The following ADAM32 variants were observed in gnomAD, a reference collection of about 807,000 sequenced individuals.
ADAM32 encodes the protein disintegrin and metalloproteinase domain-containing protein 32.
In ADAM32, 89 loss-of-function variants were observed where a neutral mutation model predicts 114.9. The ratio of observed to expected loss-of-function variants is 0.77; its 90% confidence interval spans 0.65 to 0.92. ADAM32 has a LOEUF of 0.92. ADAM32 is among the 40% of genes least tolerant of loss of function. The pLI, the probability that ADAM32 is intolerant of heterozygous loss-of-function variation, is 0.00. For missense variants in ADAM32, 870 were observed against 932.8 expected (o/e 0.93, Z 0.88); for synonymous variants, 285 against 307.5 (o/e 0.93, Z 0.77).
intron 11 of ADAM32, among the ~76,000 whole-genome samples, chr8:39,206,587 C>T (rs1009799261): frequency 6.6e-6 from 1 of 152,176 alleles, no homozygotes; most frequent in African/African-American, 2.4e-5. Flanking sequence ...TGCAGCAGAC[C>T]TGGGTAGGAA....
intron 6 of ADAM32, among the ~76,000 whole-genome samples, chr8:39,160,618 G>T (rs1585425921): frequency 6.7e-6 from 1 of 149,966 alleles, no homozygotes; most frequent in East Asian, 2.0e-4. Flanking sequence ...TTTCTGATAT[G>T]CAGATGAAGT....
intron 2 of ADAM32, among the ~76,000 whole-genome samples, chr8:39,126,565 G>A (rs1173720425): frequency 6.6e-6 from 1 of 152,170 alleles, no homozygotes; most frequent in African/African-American, 2.4e-5. Context: ...ATTAGCCTAA[G>A]AAGCTTTTGG....
chr8:39,137,881 G>C (rs921847552), intron 3 of ADAM32, among the ~76,000 whole-genome samples: 1 of 152,102 alleles, frequency 6.6e-6, no homozygotes, highest in African/African-American at 2.4e-5. Context: ...AAAAGAATAT[G>C]GTGGATGATA....
At chr8:39,197,694 A>G (rs1157203715) in intron 11 of ADAM32, among the ~76,000 whole-genome samples, 1 of 152,086 alleles carries the variant, frequency 6.6e-6, no homozygotes, top group Non-Finnish European at 1.5e-5. Context: ...ATATGTATTC[A>G]GTGTTTTAAA....
intron 11 of ADAM32, among the ~76,000 whole-genome samples, chr8:39,193,754 T>G (rs540149534): frequency 1.3e-5 from 2 of 152,152 alleles, no homozygotes; most frequent in East Asian, 3.9e-4. Flanking sequence ...TTTGGAAGAT[T>G]TTTAGGGGGC....
chr8:39,277,610 A>C (rs1813155752), intron 22 of ADAM32, among the ~76,000 whole-genome samples: 1 of 152,140 alleles, frequency 6.6e-6, no homozygotes, highest in African/African-American at 2.4e-5. Flanking sequence ...GAGCTGCTAG[A>C]GTGCAGGAGC....
intron 22 of ADAM32, among the ~76,000 whole-genome samples, chr8:39,276,725 G>A (rs906142340): frequency 1.3e-5 from 2 of 152,128 alleles, no homozygotes; most frequent in Non-Finnish European, 1.5e-5. Flanking sequence ...CCTTACAGTG[G>A]CACGTTGGAG....
At chr8:39,233,416 A>G (rs1242907290) in intron 15 of ADAM32, among the ~76,000 whole-genome samples, 1 of 152,104 alleles carries the variant, frequency 6.6e-6, no homozygotes, top group Non-Finnish European at 1.5e-5. Flanking sequence ...TGCTGGTGGG[A>G]GTATCTTTTA....
At chr8:39,191,278 A>G (rs544365335) in intron 11 of ADAM32, among the ~76,000 whole-genome samples, 3 of 152,330 alleles carry the variant, frequency 2.0e-5, no homozygotes, top group African/African-American at 7.2e-5. Flanking sequence ...CAGTAGTCAC[A>G]TTGCTGGGTT....
intron 16 of ADAM32, among the ~76,000 whole-genome samples, chr8:39,237,895 G>A (rs938501063): frequency 5.3e-5 from 8 of 152,208 alleles, no homozygotes; most frequent in Non-Finnish European, 1.0e-4. Flanking sequence ...TGACCTTAGG[G>A]CAAGCTTGTA....
intron 15 of ADAM32, among the ~76,000 whole-genome samples, chr8:39,232,987 G>A (rs1809848311): frequency 6.6e-6 from 1 of 151,962 alleles, no homozygotes; most frequent in African/African-American, 2.4e-5. Context: ...TCCTTCTATG[G>A]GGTGATATAA....
At chr8:39,252,119 C>T (rs1444961762) in intron 17 of ADAM32, among the ~76,000 whole-genome samples, 2 of 151,698 alleles carry the variant, frequency 1.3e-5, no homozygotes, top group African/African-American at 4.8e-5. Flanking sequence ...GTTACTATAG[C>T]TCTGTAGTAT....
At chr8:39,195,774 A>G (rs1028643728) in intron 11 of ADAM32, among the ~76,000 whole-genome samples, 1 of 152,112 alleles carries the variant, frequency 6.6e-6, no homozygotes, top group East Asian at 1.9e-4. Flanking sequence ...CTGTTTTTAT[A>G]CCAATACTGT....
At chr8:39,200,284 T>C (rs889428245) in intron 11 of ADAM32, among the ~76,000 whole-genome samples, 1 of 152,174 alleles carries the variant, frequency 6.6e-6, no homozygotes, top group African/African-American at 2.4e-5. Flanking sequence ...CCAGCACCTG[T>C]TATTTCCTGA....
intron 2 of ADAM32, among the ~76,000 whole-genome samples, chr8:39,134,235 G>A (rs1802644329): frequency 6.6e-6 from 1 of 151,990 alleles, no homozygotes; most frequent in Non-Finnish European, 1.5e-5. Context: ...ATGGTACTGT[G>A]CTGCCTCTGC....
At chr8:39,259,394 T>G (rs1811872271) in intron 19 of ADAM32, among the ~76,000 whole-genome samples, 1 of 151,974 alleles carries the variant, frequency 6.6e-6, no homozygotes, top group African/African-American at 2.4e-5. Flanking sequence ...AGAGACTGGG[T>G]TTCTCCATGT....
intron 13 of ADAM32, among the ~76,000 whole-genome samples, chr8:39,222,693 C>T (rs1294560627): frequency 6.6e-6 from 1 of 152,016 alleles, no homozygotes; most frequent in African/African-American, 2.4e-5. Context: ...AAGTATATTT[C>T]ATTTAGAAAT....
intron 6 of ADAM32, among the ~76,000 whole-genome samples, chr8:39,156,457 T>C (rs762405633): frequency 2.0e-5 from 3 of 152,232 alleles, no homozygotes; most frequent in Non-Finnish European, 4.4e-5. Context: ...AATAATATCT[T>C]CTATAGTTAC....
intron 12 of ADAM32, among the ~76,000 whole-genome samples, chr8:39,213,448 G>C (rs1305306045): frequency 6.6e-6 from 1 of 150,684 alleles, no homozygotes; most frequent in Non-Finnish European, 1.5e-5. Context: ...CTGTATTTTA[G>C]ATCCCTTAAC....
Sources: allele counts gnomAD v4.1 joint callset (sites outside exome capture counted in the v4.1 genomes callset), GRCh38; gene constraint gnomAD v4.1.1; transcripts MANE v1.5; gene names NCBI Gene and HGNC (gene_info 2026-07-23, HGNC 2026-07-21).